CHORDC1: variants seen among roughly 807,000 people sequenced by gnomAD.
CHORDC1 encodes cysteine and histidine rich domain containing 1, also known as cysteine and histidine-rich domain-containing protein 1.
A neutral mutation model predicts 48.3 loss-of-function variants in CHORDC1; 25 were observed. The ratio of observed to expected loss-of-function variants is 0.52; its 90% CI spans 0.38 to 0.72. The LOEUF is 0.72. Ranked by LOEUF, CHORDC1 falls within the 30% of genes least tolerant of loss-of-function variation. The pLI is 0.00. For missense variants in CHORDC1, 317 were observed against 388.7 expected, an observed-to-expected ratio of 0.82 and a Z score of 1.55; for synonymous variants, 128 against 126.4, an observed-to-expected ratio of 1.01 and a Z score of -0.09.
At chr11:90,218,972 A>AAAT (rs1858091074) in intron 1 of CHORDC1, among the ~76,000 whole-genome samples, 1 of 151,502 alleles carries the variant, frequency 6.6e-6, no homozygotes, top group Non-Finnish European at 1.5e-5. Flanking sequence ...AAAAAAAAAA[A>AAAT]AATAGAAGTC....
rs1371911570 is a variant in CHORDC1 at position 90,202,066 on chromosome 11, C to T, written c.*339G>A. ...TACTAATTATGGAATAATACAAAAA[C>T]ATAAAAAAAATGTTCCTTAATATTT... On this transcript the variant is annotated 3_prime_UTR_variant, in exon 11 of 11. Transcript: ENST00000320585. 2 of 175,500 alleles carry T rather than the reference C, an allele frequency of 1.1e-5. No homozygotes were observed. The highest frequency in any genetic ancestry group is 2.4e-5 in the Non-Finnish European group (2 of 83,994). 10.9% of individuals were successfully genotyped at this position (175,500 alleles called of 1,614,324 possible). A position where few individuals can be genotyped will look rare whatever the true frequency, so the allele number is the denominator to read the frequency against.
Position 90,201,492 on chromosome 11 carries a change from A to C in CHORDC1, c.*913T>G, listed in dbSNP as rs941300235. The C allele has an allele frequency of 6.6e-6, 1 of 152,166 alleles. No homozygotes were observed. The highest frequency in any genetic ancestry group is 2.4e-5 in the African/African-American group (1 of 41,454). The allele number at this position is 152,166 out of a possible 1,614,324, so 9.4% of individuals were successfully genotyped here. On this transcript the variant is annotated 3_prime_UTR_variant, in exon 11 of 11. Transcript: ENST00000320585. ...ATTTAACATGTAATAGTCATAAAGC[A>C]ACTCCATATATTTAGTTTTCTGATA...
intron 10 of CHORDC1, 31 bp from the exon 11 acceptor site, chr11:90,202,582 C>T: frequency 2.5e-6 from 4 of 1,604,786 alleles, no homozygotes; most frequent in South Asian, 1.1e-5. Context: ...TTACAGGAAA[C>T]CTCAGTAGTT....
chr11:90,219,707 G>A (rs1426136377), intron 1 of CHORDC1, among the ~76,000 whole-genome samples: 1 of 152,132 alleles, frequency 6.6e-6, no homozygotes, highest in Non-Finnish European at 1.5e-5. Flanking sequence ...TCCATTGGAG[G>A]CTCTCAGCTC....
chr11:90,210,612 A>C lies in CHORDC1; in HGVS notation c.434-18T>G. On this transcript the variant is annotated intron_variant, in intron 5 of 10. Coordinates refer to ENST00000320585, the MANE Select transcript of CHORDC1 (RefSeq NM_012124.3). ...GTCTTCTTCTGTAACAAAGAAAAAA[A>C]AATCAAATTAAAAAGTTAAAATAGA... is the stretch of plus-strand genomic sequence containing the variant. 1 of 1,501,416 alleles carries C rather than the reference A, an allele frequency of 6.7e-7. No individual in the cohort carries two copies. The highest frequency in any genetic ancestry group is 1.4e-5 in the African/African-American group (1 of 71,872). 93.0% of individuals were successfully genotyped at this position (1,501,416 alleles called of 1,614,324 possible).
intron 6 of CHORDC1, chr11:90,207,563 T>C (rs1313501024): frequency 3.3e-5 from 5 of 151,992 alleles, no homozygotes; most frequent in Non-Finnish European, 1.5e-5. Context: ...GAATTTCTGA[T>C]AAGAGTCACA....
chr11:90,203,278 C>G (rs767837613), intron 9 of CHORDC1, 30 bp downstream of exon 9: 2 of 1,540,988 alleles, frequency 1.3e-6, no homozygotes, highest in Admixed American at 3.4e-5. Context: ...TAGAAAAGAA[C>G]TTTTACCCAA....
intron 8 of CHORDC1, among the ~76,000 whole-genome samples, chr11:90,204,658 T>G (rs1591048572): frequency 1.3e-5 from 2 of 151,514 alleles, no homozygotes; most frequent in Admixed American, 1.3e-4. Flanking sequence ...GAGGCGGAGG[T>G]TGCAGTGAGC....
chr11:90,209,581 A>G (rs1037625951), intron 6 of CHORDC1: 7 of 152,236 alleles, frequency 4.6e-5, no homozygotes, highest in African/African-American at 1.7e-4. Context: ...AAATAAGTAT[A>G]CAAAATAAGT....
At position 90,210,567 on chromosome 11, in the gene CHORDC1, C is replaced by T; in HGVS notation, c.461G>A (p.Gly154Glu). 6.3e-7 allele frequency: 1 copy of T among 1,591,798 alleles called. No homozygotes were observed. Among genetic ancestry groups the T allele is most frequent in the Non-Finnish European group, 8.6e-7 (1 of 1,162,524 alleles). ...KEEDNDEIKI[G>E]TSCKNGGCSK... The stretch of plus-strand genomic sequence containing the variant: ...ACACCCTCCATTCTTACATGAGGTC[C>T]CAATCTTAATTTCATCATTGTCTTC... Residue 154 changes from glycine to glutamate, a missense_variant, in exon 6 of 11, where the codon GGG (glycine) becomes GAG (glutamate). Gly to Glu is a moderately conservative substitution (Grantham distance 98, BLOSUM62 -2). Transcript: ENST00000320585.
Position 90,221,882 on chromosome 11 carries a change from T to C in CHORDC1, c.64+1009A>G, listed in dbSNP as rs78853279. On this transcript the variant is annotated intron_variant, in intron 1 of 10. Transcript: ENST00000320585. Reference sequence around the variant, plus strand: ...AGAGTTCAAAAGGCATCAGTTTTCATCTCCTCCACAATAATGAAGGATGTT... The same window carrying C: ...AGAGTTCAAAAGGCATCAGTTTTCACCTCCTCCACAATAATGAAGGATGTT... Among the ~76,000 whole-genome samples the C allele has an allele frequency of 4.0e-3, 605 of 152,326 alleles. 1 individual carries two copies. Among genetic ancestry groups the C allele is most frequent in the African/African-American group, 0.014 (578 of 41,576 alleles).
intron 1 of CHORDC1, among the ~76,000 whole-genome samples, chr11:90,221,375 T>C (rs1379486328): frequency 1.3e-5 from 2 of 152,164 alleles, no homozygotes; most frequent in South Asian, 2.1e-4. Context: ...CTAAAGTAAA[T>C]ATACTTATTG....
intron 4 of CHORDC1, chr11:90,213,755 G>C (rs1857931076): frequency 2.2e-6 from 1 of 446,626 alleles, no homozygotes; most frequent in African/African-American, 2.0e-5. Context: ...AGAAAAATGT[G>C]ACTTCCCTAC....
At chr11:90,216,941 GAAA>G (rs1224129633) in intron 2 of CHORDC1, among the ~76,000 whole-genome samples, 1 of 152,012 alleles carries the variant, frequency 6.6e-6, no homozygotes, top group Non-Finnish European at 1.5e-5. Context: ...GGGAAAAAAA[GAAA>G]AAGACACAGT....
chr11:90,206,019 T>A, intron 7 of CHORDC1, 183 bp downstream of exon 7: 1 of 597,284 alleles, frequency 1.7e-6, no homozygotes, highest in Non-Finnish European at 3.0e-6. Context: ...CTTGTTTCTG[T>A]TTTCTCATGT....
At chr11:90,222,513 G>A (rs2135063354) in intron 1 of CHORDC1, 1 of 416,450 alleles carries the variant, frequency 2.4e-6, no homozygotes, top group East Asian at 6.8e-5. Context: ...GAACTACAAA[G>A]CAAGCTCACC....
chr11:90,218,659 T>C (rs1042369420), intron 1 of CHORDC1, among the ~76,000 whole-genome samples: 5 of 152,200 alleles, frequency 3.3e-5, no homozygotes, highest in African/African-American at 1.2e-4. Context: ...CAGTATCTAA[T>C]TGGTAATTTA....
intron 6 of CHORDC1, chr11:90,207,348 T>C (rs1202284436): frequency 6.5e-6 from 1 of 153,284 alleles, no homozygotes; most frequent in Non-Finnish European, 1.5e-5. Flanking sequence ...TCACACCTTA[T>C]ACAATAATCA....
chr11:90,212,886 G>C (rs1299095892), intron 4 of CHORDC1: 1 of 151,920 alleles, frequency 6.6e-6, no homozygotes, highest in Non-Finnish European at 1.5e-5. Flanking sequence ...GCTTCTCAAA[G>C]TGCTGGATTA....
Sources: allele counts gnomAD v4.1 joint callset (sites outside exome capture counted in the v4.1 genomes callset), GRCh38; gene constraint gnomAD v4.1.1; transcripts MANE v1.5; gene names NCBI Gene and HGNC (gene_info 2026-07-23, HGNC 2026-07-21).